MAPK6: variants seen among roughly 807,000 people sequenced by gnomAD.
The protein encoded by MAPK6 is mitogen-activated protein kinase 6.
Under a neutral mutation model 59.3 loss-of-function variants are expected in MAPK6, and 19 were observed. That is an observed-to-expected ratio of 0.32 (90% confidence interval 0.22 to 0.47). The LOEUF (loss-of-function observed/expected upper bound fraction) is 0.47. MAPK6 is among the 20% of genes least tolerant of loss of function. The probability of loss-of-function intolerance (pLI) is 1.00; values close to 1 mark genes in which losing one functional copy is unlikely to be tolerated. For missense variants in MAPK6, 724 were observed against 847.9 expected, an observed-to-expected ratio of 0.85 and a Z score of 1.81; for synonymous variants, 316 against 290.3, an observed-to-expected ratio of 1.09 and a Z score of -0.90.
At chr15:51,972,534 A>AT (rs1299044870) in intron 1 of MAPK6, among the ~76,000 whole-genome samples, 1 of 76,098 alleles carries the variant, frequency 1.3e-5, no homozygotes, top group Non-Finnish European at 2.8e-5. Flanking sequence ...TTAAATGACC[A>AT]TTTTTTTGGC....
At chr15:52,049,504 T>A (rs2031708786) in intron 2 of MAPK6, among the ~76,000 whole-genome samples, 1 of 151,828 alleles carries the variant, frequency 6.6e-6, no homozygotes, top group Non-Finnish European at 1.5e-5. Context: ...ATTCTTGTAT[T>A]TTTAGTAGAG....
chr15:52,062,255 G>A (rs1005008198), intron 5 of MAPK6, among the ~76,000 whole-genome samples: 1 of 151,676 alleles, frequency 6.6e-6, no homozygotes, highest in African/African-American at 2.4e-5. Context: ...TCGAACTCCT[G>A]ACCTCAGGTG....
chr15:52,029,903 ATCT>A (rs2030963074), intron 1 of MAPK6, among the ~76,000 whole-genome samples: 1 of 152,242 alleles, frequency 6.6e-6, no homozygotes, highest in Admixed American at 6.5e-5. Flanking sequence ...AGTAACAAGA[ATCT>A]TCTTTCAGAA....
rs776858835 is a variant in MAPK6, at chr15:52,065,010, C to A, written c.*10C>A. 1 of 1,586,158 alleles carries A rather than the reference C, an allele frequency of 6.3e-7. No individual in the cohort carries two copies. Among genetic ancestry groups the A allele is most frequent in the South Asian group, 1.1e-5 (1 of 87,566 alleles). The stretch of plus-strand genomic sequence containing the variant: ...GAAACATCTGAACTAAAACACTCAG[C>A]AGACATTTATCTTTGTATTCTTCAT... On this transcript the variant is annotated 3_prime_UTR_variant, in exon 6 of 6. Coordinates refer to ENST00000261845, the MANE Select transcript of MAPK6 (RefSeq NM_002748.4).
chr15:51,997,888 G>A (rs1306208938), intron 2 of MAPK6, among the ~76,000 whole-genome samples: 12 of 150,310 alleles, frequency 8.0e-5, no homozygotes, highest in East Asian at 5.8e-4. Flanking sequence ...CACCACGCCC[G>A]GCCTTTAAAG....
chr15:52,060,053 C>T (rs903344923), intron 4 of MAPK6, among the ~76,000 whole-genome samples: 1 of 152,182 alleles, frequency 6.6e-6, no homozygotes, highest in African/African-American at 2.4e-5. Context: ...ACTTACCTCT[C>T]ATCCTTTCTG....
At chr15:52,050,744 A>G (rs904945111) in intron 3 of MAPK6, among the ~76,000 whole-genome samples, 2 of 152,224 alleles carry the variant, frequency 1.3e-5, no homozygotes, top group Admixed American at 6.5e-5. Context: ...ATTTTTCACT[A>G]TTTAGAAGTA....
intron 1 of MAPK6, among the ~76,000 whole-genome samples, chr15:51,972,106 C>T (rs1338829973): frequency 6.6e-6 from 1 of 151,756 alleles, no homozygotes; most frequent in Non-Finnish European, 1.5e-5. Context: ...TACTGAGCAG[C>T]TGTTCTCCAG....
upstream of MAPK6, among the ~76,000 whole-genome samples, chr15:52,016,053 C>T (rs764787881): frequency 8.1e-5 from 3 of 36,920 alleles, no homozygotes; most frequent in Non-Finnish European, 1.5e-4. Flanking sequence ...CAAACTCCAT[C>T]GCGCGCGCGC....
intron 2 of MAPK6, among the ~76,000 whole-genome samples, chr15:51,998,687 A>AGTTTTTTTTTTTTTTTTTTTTTTTT (rs2057233115): frequency 2.6e-5 from 1 of 38,472 alleles, no homozygotes; most frequent in African/African-American, 8.8e-5. Context: ...TGCCTGGTTA[A>AGTTTTTTTTTTTTTTTTTTTTTTTT]TTTTTTTTTT....
At chr15:52,047,580 C>T (rs2031633100) in intron 2 of MAPK6, among the ~76,000 whole-genome samples, 1 of 151,386 alleles carries the variant, frequency 6.6e-6, no homozygotes, top group Admixed American at 6.6e-5. Flanking sequence ...TCCTAGCCTC[C>T]AGTGATCTGC....
chr15:52,046,453 G>T lies in MAPK6; in HGVS notation c.-8G>T. 2 of 1,586,406 alleles carry T rather than the reference G, an allele frequency of 1.3e-6. No homozygotes were observed. The highest frequency in any genetic ancestry group is 1.7e-6 in the Non-Finnish European group (2 of 1,166,306). On this transcript the variant is annotated 5_prime_UTR_variant, in exon 2 of 6. Coordinates refer to ENST00000261845, the MANE Select transcript of MAPK6 (RefSeq NM_002748.4). Reference sequence around the variant, plus strand: ...TTGAAAGGAAAAGGCAATAGTAAGGGTTTCAAAATGGCAGAGAAATTTGAA... The same window carrying T: ...TTGAAAGGAAAAGGCAATAGTAAGGTTTTCAAAATGGCAGAGAAATTTGAA...
At chr15:52,011,864 C>A (rs1184157147) in intron 3 of MAPK6, among the ~76,000 whole-genome samples, 6 of 152,204 alleles carry the variant, frequency 3.9e-5, no homozygotes, top group Admixed American at 3.9e-4. Context: ...GGAGAGCAGT[C>A]ATTTTAAATT....
At chr15:51,984,353 C>T (rs1024507987) in intron 2 of MAPK6, among the ~76,000 whole-genome samples, 1 of 151,748 alleles carries the variant, frequency 6.6e-6, no homozygotes, top group African/African-American at 2.4e-5. Flanking sequence ...ACAATCTCGG[C>T]TCACTGCAAG....
chr15:52,020,663 A>T (rs929353180), intron 1 of MAPK6, among the ~76,000 whole-genome samples: 1 of 152,252 alleles, frequency 6.6e-6, no homozygotes, highest in African/African-American at 2.4e-5. Context: ...GTAGGGTCCA[A>T]ACAGGGCCTG....
At chr15:52,040,571 T>C (rs998418453) in intron 1 of MAPK6, among the ~76,000 whole-genome samples, 5 of 152,216 alleles carry the variant, frequency 3.3e-5, no homozygotes, top group Non-Finnish European at 7.4e-5. Context: ...TAGGCCAAGT[T>C]GCTCCTTGAT....
intron 3 of MAPK6, among the ~76,000 whole-genome samples, chr15:52,051,860 ACT>A (rs201954535): frequency 0.016 from 2,338 of 148,728 alleles, 28 homozygotes; most frequent in African/African-American, 0.032. Context: ...GGCGACAGAG[ACT>A]CTGTCTCAAA....
chr15:52,043,586 C>T lies in MAPK6; in HGVS notation c.-631-2244C>T, dbSNP rs1036932603. ...TGCTGGGATTACAGGCGTGAGCCAC[C>T]GCGCCTGGCCACAAAAATTTATTTT... is the stretch of plus-strand genomic sequence containing the variant. On this transcript the variant is annotated intron_variant, in intron 1 of 5. Coordinates refer to ENST00000261845, the MANE Select transcript of MAPK6 (RefSeq NM_002748.4). Among the ~76,000 whole-genome samples, 79 of 151,980 alleles carry T rather than the reference C, an allele frequency of 5.2e-4. 1 individual carries two copies. The highest frequency in any genetic ancestry group is 3.4e-3 in the Middle Eastern group (1 of 294).
rs772608176 is a variant in MAPK6 at position 52,064,438 on chromosome 15, T to G, written c.1604T>G (p.Ile535Ser). 1.9e-6 allele frequency: 3 copies of G among 1,611,168 alleles called. No homozygotes were observed. The African/African-American group carries it at 4.0e-5, about 22-fold the overall frequency. Residue 535 changes from isoleucine (I) to serine (S), a missense_variant, in exon 6 of 6, where the codon ATT becomes AGT. Coordinates refer to ENST00000261845, the MANE Select transcript of MAPK6 (RefSeq NM_002748.4). ...TTTGATTCCTTTATTGCAGGAACTA[T>G]TCAGCTTAGTTCCCAGCATGAGCCT... ...FDFDSFIAGT[I>S]QLSSQHEPTD...
Sources: allele counts gnomAD v4.1 joint callset (sites outside exome capture counted in the v4.1 genomes callset), GRCh38; gene constraint gnomAD v4.1.1; transcripts MANE v1.5; gene names NCBI Gene and HGNC (gene_info 2026-07-23, HGNC 2026-07-21).